Variants in SULF2 observed in about 807,000 individuals in gnomAD.
The protein encoded by SULF2 is extracellular sulfatase Sulf-2.
In SULF2, 52 loss-of-function variants were observed where a neutral mutation model predicts 107.7. The ratio of observed to expected loss-of-function variants is 0.48; its 90% CI spans 0.39 to 0.61. The LOEUF (loss-of-function observed/expected upper bound fraction) is 0.61. Among genes scored for constraint, SULF2 ranks in the 20% least tolerant of loss-of-function variants. SULF2 has a pLI of 0.00. For synonymous variants in SULF2, 460 were observed against 464.3 expected, an observed-to-expected ratio of 0.99 and a Z score of 0.12; for missense variants, 993 against 1,177.3, an observed-to-expected ratio of 0.84 and a Z score of 2.29.
At chr20:47,681,542 T>G (rs1442446774) in intron 7 of SULF2, among the ~76,000 whole-genome samples, 1 of 152,114 alleles carries the variant, frequency 6.6e-6, no homozygotes, top group African/African-American at 2.4e-5. Flanking sequence ...CAGATGGGAA[T>G]AGAGACTGCC....
chr20:47,724,932 T>C (rs547791226), intron 3 of SULF2, among the ~76,000 whole-genome samples: 7 of 152,356 alleles, frequency 4.6e-5, no homozygotes, highest in Admixed American at 1.3e-4. Flanking sequence ...AAGCTACCTA[T>C]GCATGTCATT....
intron 2 of SULF2, among the ~76,000 whole-genome samples, chr20:47,738,694 G>A (rs1300569620): frequency 6.6e-6 from 1 of 152,126 alleles, no homozygotes; most frequent in East Asian, 1.9e-4. Context: ...ATTCTCTCTT[G>A]CCTACCGCCA....
intron 5 of SULF2, among the ~76,000 whole-genome samples, chr20:47,688,620 C>T (rs1602649889): frequency 1.3e-5 from 2 of 152,248 alleles, no homozygotes; most frequent in African/African-American, 2.4e-5. Flanking sequence ...GGCGGGGTGC[C>T]GGCTGCTGGG....
In SULF2 at chr20:47,684,519, G is replaced by T; in HGVS notation, c.800C>A (p.Pro267His). The T allele has an allele frequency of 2.5e-6, 4 of 1,614,148 alleles. No homozygotes were observed. Among genetic ancestry groups the T allele is most frequent in the Non-Finnish European group, 3.4e-6 (4 of 1,179,992 alleles). ...GAATTCCATGTGGATGGGCTTCATG[G>T]GCCCCGTGTAGCGCATGATCCAGTG... is the stretch of plus-strand genomic sequence containing the variant. Reference protein sequence around the residue: ...DKHWIMRYTGPMKPIHMEFTN... With the variant: ...DKHWIMRYTGHMKPIHMEFTN... The change falls in exon 6 of 21, where the codon CCC (proline) becomes CAC (histidine). Residue 267 changes from proline (P) to histidine (H), a missense_variant. Around this residue, in one of 3 missense-constraint regions of SULF2, gnomAD observed 388 missense variants for 449.2 expected, o/e 0.86. Transcript: ENST00000688720.
chr20:47,774,690 G>T (rs368713913), intron 1 of SULF2, among the ~76,000 whole-genome samples: 2 of 152,128 alleles, frequency 1.3e-5, no homozygotes, highest in Non-Finnish European at 2.9e-5. Context: ...CCTATGCAGG[G>T]GCGGTGCAGA....
At chr20:47,726,159 CTG>C (rs1487445127) in intron 3 of SULF2, among the ~76,000 whole-genome samples, 1 of 152,160 alleles carries the variant, frequency 6.6e-6, no homozygotes, top group African/African-American at 2.4e-5. Context: ...CTTCTCAGTG[CTG>C]TGTGTCACTC....
intron 3 of SULF2, among the ~76,000 whole-genome samples, chr20:47,707,141 A>G (rs1270108554): frequency 6.6e-6 from 1 of 151,878 alleles, no homozygotes; most frequent in Non-Finnish European, 1.5e-5. Context: ...AGGCATGGCC[A>G]CCACACCTGG....
At chr20:47,687,506 C>T (rs539714307) in intron 5 of SULF2, among the ~76,000 whole-genome samples, 206 of 152,264 alleles carry the variant, frequency 1.4e-3, no homozygotes, top group Non-Finnish European at 2.4e-3. Context: ...GTGTCTGGGG[C>T]CATCAGCAGC....
intron 11 of SULF2, among the ~76,000 whole-genome samples, chr20:47,667,948 G>A (rs937127317): frequency 2.0e-5 from 3 of 152,314 alleles, no homozygotes; most frequent in Middle Eastern, 3.4e-3. Flanking sequence ...CACAAGGGCC[G>A]AAGGATCCTG....
intron 3 of SULF2, among the ~76,000 whole-genome samples, chr20:47,721,666 G>A (rs2089300999): frequency 1.3e-5 from 2 of 152,170 alleles, no homozygotes; most frequent in Non-Finnish European, 2.9e-5. Flanking sequence ...TACTGCGCCC[G>A]GCCTGCATGT....
intron 1 of SULF2, among the ~76,000 whole-genome samples, chr20:47,769,560 C>T (rs776664893): frequency 2.0e-5 from 3 of 152,090 alleles, no homozygotes; most frequent in Non-Finnish European, 4.4e-5. Flanking sequence ...GGGGCTGTCT[C>T]TTGGTTGCCT....
chr20:47,709,874 C>T (rs974905597), intron 3 of SULF2, among the ~76,000 whole-genome samples: 5 of 150,746 alleles, frequency 3.3e-5, no homozygotes, highest in African/African-American at 1.2e-4. Flanking sequence ...GGTTTGAGGC[C>T]CTGGGGATCC....
chr20:47,772,707 C>T (rs949762357), intron 1 of SULF2, among the ~76,000 whole-genome samples: 1 of 152,104 alleles, frequency 6.6e-6, no homozygotes, highest in East Asian at 2.0e-4. Flanking sequence ...CTCAGGTCTC[C>T]TGCCCGACCC....
intron 4 of SULF2, among the ~76,000 whole-genome samples, chr20:47,697,327 C>T (rs1163996463): frequency 1.3e-5 from 2 of 152,240 alleles, no homozygotes; most frequent in African/African-American, 4.8e-5. Flanking sequence ...GGATTAGTGA[C>T]TTGGGACAGA....
At position 47,690,284 on chromosome 20, in the gene SULF2, T is replaced by G; in HGVS notation, c.579A>C (p.Thr193=). 6.6e-7 allele frequency: 1 copy of G among 1,505,124 alleles called. No individual in the cohort carries two copies. Among genetic ancestry groups the G allele is most frequent in the Non-Finnish European group, 8.9e-7 (1 of 1,119,750 alleles). The allele number at this position is 1,505,124 out of a possible 1,614,324, so 93.2% of individuals were successfully genotyped here. The change falls in exon 5 of 21, where the codon ACA becomes ACC. Residue 193 remains threonine, a synonymous_variant. Coordinates refer to ENST00000688720, the MANE Select transcript of SULF2 (RefSeq NM_001387048.1). The part of the protein sequence containing the change: ...HGSDYSKDYL[T]DLITNDSVSF... ...TCACGCTGTCATTGGTGATGAGGTC[T>G]GTGAGGTAATCCTGGGGGGTGGGGA...
intron 3 of SULF2, among the ~76,000 whole-genome samples, chr20:47,717,142 A>C (rs185721795): frequency 3.3e-5 from 5 of 152,238 alleles, no homozygotes; most frequent in Non-Finnish European, 7.3e-5. Context: ...GTAAAAAGGT[A>C]AACAGTGTCC....
chr20:47,732,714 G>A (rs540958744), intron 3 of SULF2, among the ~76,000 whole-genome samples: 4 of 152,244 alleles, frequency 2.6e-5, no homozygotes, highest in Non-Finnish European at 4.4e-5. Context: ...GTGGTGGCAC[G>A]CACCTGTAAT....
In SULF2 at chr20:47,757,286, C is replaced by G. The variant is rs1240811805; in HGVS notation, c.78G>C (p.Leu26=). 2.5e-6 allele frequency: 4 copies of G among 1,591,996 alleles called. No individual in the cohort carries two copies. The highest frequency in any genetic ancestry group is 4.5e-5 in the East Asian group (2 of 43,966). Residue 26 remains leucine (L), a synonymous_variant, in exon 2 of 21, where the codon CTG becomes CTC. Transcript: ENST00000688720. ...ACCTGCCTTTCAGGCGGTGGTGCGA[C>G]AGGAAGGCCGAGCTTCCACCCAGCA... ...FSLLGGSSAF[L]SHHRLKGRFQ...
At chr20:47,780,548 C>T (rs1486249279) in intron 1 of SULF2, among the ~76,000 whole-genome samples, 3 of 151,980 alleles carry the variant, frequency 2.0e-5, no homozygotes, top group Non-Finnish European at 2.9e-5. Context: ...ATCATGCAGT[C>T]ATTTTTCTTT....
Sources: allele counts gnomAD v4.1 joint callset (sites outside exome capture counted in the v4.1 genomes callset), GRCh38; gene constraint gnomAD v4.1.1; regional missense constraint gnomAD v4.1.1; transcripts MANE v1.5; gene names NCBI Gene and HGNC (gene_info 2026-07-23, HGNC 2026-07-21).